The following SPRR2G variants were observed in gnomAD, a reference collection of about 807,000 sequenced individuals.
SPRR2G encodes small proline rich protein 2G.
In SPRR2G, 1 loss-of-function variant was observed where a neutral mutation model predicts 0.7. The ratio of observed to expected loss-of-function variants is 1.49; its 90% confidence interval spans 0.53 to 7.06. The LOEUF (loss-of-function observed/expected upper bound fraction) is 7.06. SPRR2G is among the 30% of genes most tolerant of loss of function. The probability of loss-of-function intolerance (pLI) is 0.14; values close to 1 mark genes in which losing one functional copy is unlikely to be tolerated. For synonymous variants in SPRR2G, 38 were observed against 33.9 expected (o/e 1.12, Z -0.42); for missense variants, 96 against 88.5 (o/e 1.09, Z -0.34).
chr1:153,187,087 C>T, the SPRR2G span, among the ~76,000 whole-genome samples: 2 of 152,114 alleles, frequency 1.3e-5, no homozygotes, highest in African/African-American at 4.8e-5. Flanking sequence ...GATGGGCTTC[C>T]CTTTGTAGGT....
At chr1:153,163,894 A>G in the SPRR2G span, among the ~76,000 whole-genome samples, 3,170 of 152,296 alleles carry the variant, frequency 0.021, 56 homozygotes, top group Non-Finnish European at 0.029. Flanking sequence ...TGGAGGACCA[A>G]AACTCTATAT....
In SPRR2G at chr1:153,150,106, G is replaced by A; in HGVS notation, c.5C>T (p.Ser2Phe). 6.2e-7 allele frequency: 1 copy of A among 1,612,212 alleles called. No individual in the cohort carries two copies. The highest frequency in any genetic ancestry group is 8.5e-7 in the Non-Finnish European group (1 of 1,179,844). ...CTGCTTGCACTGCTGCTGCTGGTAA[G>A]ACATCTCTCCTCAGTCTCAGAGAAT... M[S>F]YQQQQCKQPC... The change falls in exon 2 of 2, where the codon TCT becomes TTT. Residue 2 changes from serine (S) to phenylalanine (F), a missense_variant. Physicochemically the swap from Ser to Phe is radical, Grantham distance 155 (BLOSUM62 -2). Coordinates refer to ENST00000368748, the MANE Select transcript of SPRR2G (RefSeq NM_001014291.4).
At chr1:153,178,202 A>G in the SPRR2G span, among the ~76,000 whole-genome samples, 1 of 152,162 alleles carries the variant, frequency 6.6e-6, no homozygotes, top group African/African-American at 2.4e-5. Context: ...ATAAAGTTCC[A>G]TATTAGTTCC....
the SPRR2G span, among the ~76,000 whole-genome samples, chr1:153,170,495 A>C: frequency 1.3e-5 from 2 of 152,308 alleles, no homozygotes; most frequent in Non-Finnish European, 2.9e-5. Context: ...AAATGAACAG[A>C]AAACAAAAGC....
chr1:153,153,449 T>C (rs1247175670), upstream of SPRR2G, among the ~76,000 whole-genome samples: 2 of 152,168 alleles, frequency 1.3e-5, no homozygotes, highest in African/African-American at 4.8e-5. Context: ...ATAATACTTC[T>C]CTGACGGACA....
At chr1:153,202,725 G>A in the SPRR2G span, among the ~76,000 whole-genome samples, 1 of 152,058 alleles carries the variant, frequency 6.6e-6, no homozygotes, top group Non-Finnish European at 1.5e-5. Context: ...AAATACCTTA[G>A]GCATAATCAT....
At chr1:153,152,123 A>G (rs1656483450), upstream of SPRR2G, among the ~76,000 whole-genome samples, 1 of 152,244 alleles carries the variant, frequency 6.6e-6, no homozygotes, top group South Asian at 2.1e-4. Flanking sequence ...TATGCACATT[A>G]CATAGTGGGT....
chr1:153,178,633 A>G, the SPRR2G span, among the ~76,000 whole-genome samples: 7 of 152,212 alleles, frequency 4.6e-5, no homozygotes, highest in South Asian at 1.2e-3. Context: ...TAAACCTTGC[A>G]TTCTGTGACA....
chr1:153,170,301 A>G, the SPRR2G span, among the ~76,000 whole-genome samples: 170 of 152,332 alleles, frequency 1.1e-3, 1 homozygote, highest in Admixed American at 9.9e-3. Flanking sequence ...AAAATTACAC[A>G]AATTTCTAGA....
At chr1:153,173,039 A>G in the SPRR2G span, among the ~76,000 whole-genome samples, 11 of 152,236 alleles carry the variant, frequency 7.2e-5, no homozygotes, top group Admixed American at 2.0e-4. Flanking sequence ...AGTCATGGAG[A>G]TACTGAGGAA....
At chr1:153,162,417 G>A in the SPRR2G span, among the ~76,000 whole-genome samples, 1 of 152,180 alleles carries the variant, frequency 6.6e-6, no homozygotes, top group African/African-American at 2.4e-5. Context: ...GTTGAATGGA[G>A]CAGGGAGCTA....
At chr1:153,157,699 G>A in the SPRR2G span, among the ~76,000 whole-genome samples, 1 of 152,000 alleles carries the variant, frequency 6.6e-6, no homozygotes, top group Non-Finnish European at 1.5e-5. Context: ...GGGTAAGAAT[G>A]CTTAATGTGA....
intron 1 of SPRR2G, 56 bp from the exon 2 acceptor site, chr1:153,150,187 A>T: frequency 6.3e-7 from 1 of 1,595,214 alleles, no homozygotes; most frequent in East Asian, 2.2e-5. Flanking sequence ...TTGGTGGAGC[A>T]ATTAGCTAGG....
upstream of SPRR2G, among the ~76,000 whole-genome samples, chr1:153,152,960 AAAGG>A (rs1455189399): frequency 6.6e-6 from 1 of 151,444 alleles, no homozygotes; most frequent in Non-Finnish European, 1.5e-5. Context: ...CCAGCTTCAC[AAAGG>A]ACAGTTTTTT....
chr1:153,177,923 A>G, the SPRR2G span, among the ~76,000 whole-genome samples: 1 of 151,902 alleles, frequency 6.6e-6, no homozygotes, highest in Non-Finnish European at 1.5e-5. Flanking sequence ...AAATAGATCA[A>G]TTTAAGAGGA....
At chr1:153,164,409 A>T in the SPRR2G span, among the ~76,000 whole-genome samples, 1 of 152,180 alleles carries the variant, frequency 6.6e-6, no homozygotes, top group Non-Finnish European at 1.5e-5. Flanking sequence ...TCTCTAATCC[A>T]ATGCTGATGG....
chr1:153,176,640 G>A, the SPRR2G span: 1 of 152,142 alleles, frequency 6.6e-6, no homozygotes, highest in African/African-American at 2.4e-5. Context: ...ACACCATGTC[G>A]GTATGGGTGT....
the SPRR2G span, among the ~76,000 whole-genome samples, chr1:153,174,889 T>A: frequency 1.3e-5 from 2 of 152,084 alleles, no homozygotes; most frequent in Non-Finnish European, 2.9e-5. Context: ...ATGACCTGGA[T>A]GGATGCTGGG....
the SPRR2G span, among the ~76,000 whole-genome samples, chr1:153,183,987 A>G: frequency 6.6e-6 from 1 of 152,148 alleles, no homozygotes; most frequent in Non-Finnish European, 1.5e-5. Context: ...TTCCTTCCCC[A>G]TTGCTTGTTT....
Sources: gnomAD v4.1 joint callset for allele counts (sites outside exome capture counted in the v4.1 genomes callset) on GRCh38, gnomAD v4.1.1 for gene constraint, MANE v1.5 for transcripts, NCBI Gene and HGNC (gene_info 2026-07-23, HGNC 2026-07-21) for gene names.